Variants in CCDC7 observed in about 807,000 individuals in gnomAD.
CCDC7 encodes the protein coiled-coil domain-containing protein 7.
CCDC7 carries 183 observed loss-of-function variants against 196.9 expected under a neutral mutation model. The ratio of observed to expected loss-of-function variants is 0.93; its 90% CI spans 0.82 to 1.05. The LOEUF is 1.05. Among genes scored for constraint, CCDC7 ranks in the 50% least tolerant of loss-of-function variants. The probability of loss-of-function intolerance (pLI) is 0.00; values close to 1 mark genes in which losing one functional copy is unlikely to be tolerated. For synonymous variants in CCDC7, 525 were observed against 484.6 expected (o/e 1.08, Z -1.10); for missense variants, 1,540 against 1,482.2 (o/e 1.04, Z -0.64).
At chr10:32,856,578 C>T (rs2093762577) in intron 41 of CCDC7, among the ~76,000 whole-genome samples, 1 of 152,148 alleles carries the variant, frequency 6.6e-6, no homozygotes, top group South Asian at 2.1e-4. Context: ...GGGCCAAAGC[C>T]ACAGATGTGC....
At chr10:32,728,079 C>T (rs1021623173) in intron 26 of CCDC7, among the ~76,000 whole-genome samples, 1 of 152,130 alleles carries the variant, frequency 6.6e-6, no homozygotes, top group Non-Finnish European at 1.5e-5. Context: ...TTGAAGTTGG[C>T]ATCTCATACA....
intron 20 of CCDC7, among the ~76,000 whole-genome samples, chr10:32,654,942 T>C (rs2069503258): frequency 6.6e-6 from 1 of 152,212 alleles, no homozygotes; most frequent in Non-Finnish European, 1.5e-5. Context: ...GTAGTGCTCA[T>C]CACATGTCTA....
chr10:32,780,920 T>G (rs1195658905), intron 29 of CCDC7, among the ~76,000 whole-genome samples: 1 of 152,052 alleles, frequency 6.6e-6, no homozygotes, highest in Admixed American at 6.6e-5. Context: ...TGACAAAACT[T>G]TAGCTAGATT....
At chr10:32,839,008 C>T (rs1318767762) in intron 33 of CCDC7, among the ~76,000 whole-genome samples, 5 of 151,860 alleles carry the variant, frequency 3.3e-5, no homozygotes. Flanking sequence ...AACAAACCCT[C>T]AAAATACACC....
chr10:32,607,305 C>G (rs2061651555), intron 18 of CCDC7, among the ~76,000 whole-genome samples: 1 of 152,178 alleles, frequency 6.6e-6, no homozygotes, highest in Non-Finnish European at 1.5e-5. Flanking sequence ...ATTATCCAGT[C>G]TTAGGTATTT....
chr10:32,613,930 T>C (rs2062470809), intron 18 of CCDC7, among the ~76,000 whole-genome samples: 1 of 152,176 alleles, frequency 6.6e-6, no homozygotes, highest in African/African-American at 2.4e-5. Flanking sequence ...AGATGTTTAT[T>C]AGGTCCAGAG....
At chr10:32,731,121 TAGATGTATACAAATAAAA>T (rs1367711290) in intron 28 of CCDC7, among the ~76,000 whole-genome samples, 109 of 152,250 alleles carry the variant, frequency 7.2e-4, no homozygotes, top group African/African-American at 2.5e-3. Context: ...TCTATGTTAT[TAGATGTATACAAATAAAA>T]AGTTAGATTT....
chr10:32,825,560 A>G (rs1015935015), intron 32 of CCDC7, among the ~76,000 whole-genome samples: 1 of 152,120 alleles, frequency 6.6e-6, no homozygotes, highest in South Asian at 2.1e-4. Flanking sequence ...ATCTTCTATT[A>G]CTTCTTTCCC....
At chr10:32,684,239 C>T (rs909651230) in intron 21 of CCDC7, among the ~76,000 whole-genome samples, 1 of 152,150 alleles carries the variant, frequency 6.6e-6, no homozygotes, top group Admixed American at 6.5e-5. Context: ...GAGATCCCTG[C>T]CTCCCTTCTT....
chr10:32,476,854 T>C (rs2039062659), intron 8 of CCDC7, among the ~76,000 whole-genome samples: 1 of 152,244 alleles, frequency 6.6e-6, no homozygotes, highest in East Asian at 1.9e-4. Flanking sequence ...TCTGTTTCAT[T>C]TCTTTGGTGA....
At chr10:32,503,236 A>G (rs547552277) in intron 9 of CCDC7, among the ~76,000 whole-genome samples, 13 of 151,912 alleles carry the variant, frequency 8.6e-5, no homozygotes, top group African/African-American at 3.1e-4. Flanking sequence ...TTAGAAGAAA[A>G]GCTTTCAACT....
downstream of CCDC7, among the ~76,000 whole-genome samples, chr10:32,879,843 T>G (rs192419961): frequency 3.9e-4 from 59 of 151,988 alleles, no homozygotes; most frequent in African/African-American, 1.4e-3. Context: ...CTGAGTATAA[T>G]GACTTCCAGC....
At chr10:32,613,590 C>G (rs923848007) in intron 18 of CCDC7, among the ~76,000 whole-genome samples, 2 of 152,130 alleles carry the variant, frequency 1.3e-5, no homozygotes, top group Non-Finnish European at 2.9e-5. Flanking sequence ...TTAGCTGTGT[C>G]CCAGAGATTC....
intron 29 of CCDC7, among the ~76,000 whole-genome samples, chr10:32,781,508 A>G (rs1304580301): frequency 6.6e-6 from 1 of 152,246 alleles, no homozygotes; most frequent in African/African-American, 2.4e-5. Flanking sequence ...ACAAAAGTCA[A>G]TCAGTGTGAT....
intron 29 of CCDC7, among the ~76,000 whole-genome samples, chr10:32,781,807 G>A (rs2081111068): frequency 6.6e-6 from 1 of 152,162 alleles, no homozygotes; most frequent in Non-Finnish European, 1.5e-5. Context: ...ATCTGGACCA[G>A]TTAGAATAGA....
chr10:32,756,475 AC>A (rs1565408378), intron 28 of CCDC7, among the ~76,000 whole-genome samples: 1 of 152,174 alleles, frequency 6.6e-6, no homozygotes, highest in Non-Finnish European at 1.5e-5. Context: ...AGAATTTTCA[AC>A]CCAGAATTTC....
At chr10:32,711,869 A>C in intron 25 of CCDC7, 139 bp downstream of exon 26, 47 of 454,458 alleles carry the variant, frequency 1.0e-4, no homozygotes, top group Middle Eastern at 5.9e-4. Flanking sequence ...AACATAACTC[A>C]AGAAAGAAAA....
chr10:32,503,009 T>A (rs934439304), intron 9 of CCDC7, among the ~76,000 whole-genome samples: 36 of 152,212 alleles, frequency 2.4e-4, no homozygotes, highest in African/African-American at 8.7e-4. Context: ...TTTTGTATCC[T>A]GCAACTTTGT....
At chr10:32,637,068 A>G (rs529078695) in intron 20 of CCDC7, among the ~76,000 whole-genome samples, 78 of 152,006 alleles carry the variant, frequency 5.1e-4, no homozygotes, top group African/African-American at 1.8e-3. Context: ...CCACTTTTTG[A>G]TGGGGTTGTT....
Sources: allele counts gnomAD v4.1 joint callset (sites outside exome capture counted in the v4.1 genomes callset), GRCh38; gene constraint gnomAD v4.1.1; transcripts MANE v1.5; gene names NCBI Gene and HGNC (gene_info 2026-07-23, HGNC 2026-07-21).